DGKB: variants seen among roughly 807,000 people sequenced by gnomAD.
The protein encoded by DGKB is 90 kDa diacylglycerol kinase.
DGKB carries 67 observed loss-of-function variants against 114.3 expected under a neutral mutation model. The ratio of observed to expected loss-of-function variants is 0.59; its 90% CI spans 0.48 to 0.72. The LOEUF (loss-of-function observed/expected upper bound fraction) is 0.72, where lower values mean the gene tolerates loss of function less well. Among genes scored for constraint, DGKB ranks in the 30% least tolerant of loss-of-function variants. DGKB has a pLI of 0.00. For synonymous variants in DGKB, 398 were observed against 323.1 expected, an observed-to-expected ratio of 1.23 and a Z score of -2.49; for missense variants, 907 against 975.2, an observed-to-expected ratio of 0.93 and a Z score of 0.93.
intron 23 of DGKB, among the ~76,000 whole-genome samples, chr7:14,240,516 C>T (rs1377865606): frequency 1.3e-5 from 2 of 152,048 alleles, no homozygotes; most frequent in Non-Finnish European, 2.9e-5. Flanking sequence ...ACTTCCAGAT[C>T]ATTATCAGAG....
intron 21 of DGKB, among the ~76,000 whole-genome samples, chr7:14,451,056 A>G (rs954804362): frequency 4.6e-5 from 7 of 152,030 alleles, no homozygotes; most frequent in African/African-American, 1.7e-4. Context: ...GCTACCTTTC[A>G]GCAGAAGTAG....
intron 23 of DGKB, among the ~76,000 whole-genome samples, chr7:14,294,010 G>A (rs1284025136): frequency 2.6e-5 from 4 of 151,978 alleles, no homozygotes; most frequent in Admixed American, 6.6e-5. Flanking sequence ...GGTCTCTCTC[G>A]GCTAAAATCA....
chr7:14,698,821 A>G (rs951912492), intron 7 of DGKB, among the ~76,000 whole-genome samples: 3 of 152,134 alleles, frequency 2.0e-5, no homozygotes, highest in Admixed American at 6.5e-5. Flanking sequence ...CTGCCTATTT[A>G]TCTAATGTTT....
chr7:14,892,264 G>C (rs557147265), intron 1 of DGKB, among the ~76,000 whole-genome samples: 2 of 151,266 alleles, frequency 1.3e-5, no homozygotes, highest in African/African-American at 2.4e-5. Context: ...AGTGGATAAC[G>C]TGGAAAGAAG....
chr7:14,534,822 G>A (rs143730789), intron 20 of DGKB, among the ~76,000 whole-genome samples: 1 of 152,256 alleles, frequency 6.6e-6, no homozygotes, highest in African/African-American at 2.4e-5. Context: ...GAAAATTTAA[G>A]AAGATTGATT....
intron 23 of DGKB, among the ~76,000 whole-genome samples, chr7:14,315,188 G>A (rs1443207763): frequency 4.2e-5 from 6 of 141,470 alleles, no homozygotes; most frequent in Admixed American, 2.2e-4. Context: ...ATGCCAAAAT[G>A]TAAAGACCGT....
chr7:14,811,852 A>G (rs1279992852), intron 2 of DGKB, among the ~76,000 whole-genome samples: 3 of 151,768 alleles, frequency 2.0e-5, no homozygotes, highest in Non-Finnish European at 4.4e-5. Flanking sequence ...TATTAAGTAT[A>G]TTCACATTAT....
intron 21 of DGKB, among the ~76,000 whole-genome samples, chr7:14,455,471 G>T (rs980765575): frequency 4.6e-5 from 7 of 151,782 alleles, no homozygotes; most frequent in African/African-American, 1.5e-4. Context: ...CATTATTTAT[G>T]CCATTATTCT....
chr7:14,674,849 G>A (rs1169550984), intron 12 of DGKB, among the ~76,000 whole-genome samples: 6 of 152,100 alleles, frequency 3.9e-5, no homozygotes, highest in Non-Finnish European at 8.8e-5. Context: ...CCTTCAGAGG[G>A]AGGATGACCT....
At chr7:14,971,222 G>A (rs1419231646) in intron 1 of DGKB, among the ~76,000 whole-genome samples, 1 of 152,134 alleles carries the variant, frequency 6.6e-6, no homozygotes, top group Non-Finnish European at 1.5e-5. Context: ...TAAACAAGAT[G>A]TGTATTTCAG....
At chr7:14,603,477 T>C (rs901010083) in intron 17 of DGKB, among the ~76,000 whole-genome samples, 2 of 152,072 alleles carry the variant, frequency 1.3e-5, no homozygotes, top group Non-Finnish European at 2.9e-5. Context: ...TAAAATATGG[T>C]AGAAATTTGG....
At chr7:14,918,275 A>C (rs1784338132) in intron 1 of DGKB, among the ~76,000 whole-genome samples, 1 of 152,154 alleles carries the variant, frequency 6.6e-6, no homozygotes, top group Non-Finnish European at 1.5e-5. Context: ...AAGAAAATAA[A>C]AGGCATTCAT....
intron 21 of DGKB, among the ~76,000 whole-genome samples, chr7:14,378,704 CAGAATT>C (rs1259515808): frequency 1.3e-5 from 2 of 151,972 alleles, no homozygotes; most frequent in Admixed American, 6.6e-5. Flanking sequence ...GTAAAACACT[CAGAATT>C]AGAAGGAGGT....
At chr7:14,269,642 G>A (rs1798003245) in intron 23 of DGKB, among the ~76,000 whole-genome samples, 1 of 152,100 alleles carries the variant, frequency 6.6e-6, no homozygotes, top group Non-Finnish European at 1.5e-5. Flanking sequence ...GACCATTATA[G>A]GTCAAGACGA....
At chr7:14,158,639 A>C (rs1350470741) in intron 25 of DGKB, among the ~76,000 whole-genome samples, 1 of 152,198 alleles carries the variant, frequency 6.6e-6, no homozygotes, top group Non-Finnish European at 1.5e-5. Flanking sequence ...AATTTTGATA[A>C]CTTATCCACA....
At chr7:14,616,448 C>T (rs538751978) in intron 15 of DGKB, among the ~76,000 whole-genome samples, 10 of 151,630 alleles carry the variant, frequency 6.6e-5, no homozygotes, top group African/African-American at 1.9e-4. Context: ...TTTCACAAAA[C>T]AATTGTGAAA....
At chr7:14,875,511 T>C (rs149046922) in intron 1 of DGKB, among the ~76,000 whole-genome samples, 5 of 152,334 alleles carry the variant, frequency 3.3e-5, no homozygotes, top group African/African-American at 9.6e-5. Flanking sequence ...CATAATATAA[T>C]GTCTTTTGCT....
intron 17 of DGKB, among the ~76,000 whole-genome samples, chr7:14,589,377 T>C (rs1801307358): frequency 6.6e-6 from 1 of 152,006 alleles, no homozygotes; most frequent in South Asian, 2.1e-4. Flanking sequence ...ATAATTGTTA[T>C]TTCTTTCCCT....
intron 21 of DGKB, among the ~76,000 whole-genome samples, chr7:14,437,681 G>A (rs978597012): frequency 7.3e-5 from 11 of 151,398 alleles, no homozygotes; most frequent in Non-Finnish European, 1.2e-4. Context: ...TGTCTTCAAG[G>A]TAATCTCTGG....
Sources: gnomAD v4.1 joint callset for allele counts (sites outside exome capture counted in the v4.1 genomes callset) on GRCh38, gnomAD v4.1.1 for gene constraint, MANE v1.5 for transcripts, NCBI Gene and HGNC (gene_info 2026-07-23, HGNC 2026-07-21) for gene names.